The following FAM220A variants were observed in gnomAD, a reference collection of about 807,000 sequenced individuals.
FAM220A encodes the protein protein FAM220A.
For missense variants in FAM220A, 392 were observed against 321.6 expected (o/e 1.22, Z -1.68); for synonymous variants, 141 against 130.7 (o/e 1.08, Z -0.54).
chr7:6,341,202 T>C (rs1781850491), intron 1 of FAM220A, among the ~76,000 whole-genome samples: 1 of 150,962 alleles, frequency 6.6e-6, no homozygotes. Flanking sequence ...CCCAGCACTT[T>C]GGGAGGCCAA....
Position 6,348,946 on chromosome 7 carries a change from T to G in FAM220A, c.-455A>C. 2.6e-6 allele frequency: 1 copy of G among 377,724 alleles called. No individual in the cohort carries two copies. Among genetic ancestry groups the G allele is most frequent in the African/African-American group, 2.1e-5 (1 of 47,476 alleles). 23.4% of individuals were successfully genotyped at this position (377,724 alleles called of 1,614,324 possible). On this transcript the variant is annotated 5_prime_UTR_variant, in exon 1 of 2. Transcript: ENST00000313324. ...AAGTGCCTCCGCGAGCAGCCGCCTG[T>G]ACCAGCCTGGCCGCGCAGCCTGACG...
chr7:6,346,197 C>G (rs1781948952), intron 1 of FAM220A, among the ~76,000 whole-genome samples: 1 of 152,064 alleles, frequency 6.6e-6, no homozygotes, highest in Non-Finnish European at 1.5e-5. Context: ...AGGGCTCAGG[C>G]CTTCTCGTTT....
Position 6,334,849 on chromosome 7 carries a change from A to AC in FAM220A, c.-81-3615dup, listed in dbSNP as rs529709932. On this transcript the variant is annotated intron_variant, in intron 1 of 1. Transcript: ENST00000313324. ...AATGGCACGATCTCGACTCACTGCA[A>AC]CCTCCACCTCCTGGGTTCAAGTGAT... Among the ~76,000 whole-genome samples the AC allele has an allele frequency of 3.0e-3, 450 of 151,014 alleles. 4 individuals are homozygous for AC. The highest frequency in any genetic ancestry group is 0.01 in the African/African-American group (412 of 41,040).
chr7:6,330,602 GT>G lies in FAM220A; in HGVS notation c.552del (p.Glu184AspfsTer21). Reference sequence around the variant, plus strand: ...GACAGGATGGAGTGCAGGCAAGCGGGTTCCAACTCAGAGCCCAGACCCTTGG... The same window carrying G: ...GACAGGATGGAGTGCAGGCAAGCGGGTCCAACTCAGAGCCCAGACCCTTGG... ...AFPKGLGSEL[E>X]PACLHSILSA... On this transcript the variant is annotated frameshift_variant, in exon 2 of 2. Transcript: ENST00000313324. LOFTEE classifies it low-confidence loss of function (END_TRUNC). 1 of 1,614,168 alleles carries G rather than the reference GT, an allele frequency of 6.2e-7. No homozygotes were observed. Among genetic ancestry groups the G allele is most frequent in the Non-Finnish European group, 8.5e-7 (1 of 1,180,036 alleles).
rs1415606848 is a variant in FAM220A at position 6,329,576 on chromosome 7, T to C, written c.*799A>G. On this transcript the variant is annotated 3_prime_UTR_variant, in exon 2 of 2. Coordinates refer to ENST00000313324, the MANE Select transcript of FAM220A (RefSeq NM_001037163.2). Reference sequence around the variant, plus strand: ...TTCACTTTGGGAGTCTTTAAAAACTTATGTCCTTAAATGACCTTTATTAAA... The same window carrying C: ...TTCACTTTGGGAGTCTTTAAAAACTCATGTCCTTAAATGACCTTTATTAAA... 2 of 155,564 alleles carry C rather than the reference T, an allele frequency of 1.3e-5. No individual in the cohort carries two copies. Among genetic ancestry groups the C allele is most frequent in the African/African-American group, 4.8e-5 (2 of 41,458 alleles). The allele number at this position is 155,564 out of a possible 1,614,324, so 9.6% of individuals were successfully genotyped here. A position where few individuals can be genotyped will look rare whatever the true frequency, so the allele number is the denominator to read the frequency against.
chr7:6,345,221 G>A (rs919651463), intron 1 of FAM220A, among the ~76,000 whole-genome samples: 3 of 151,388 alleles, frequency 2.0e-5, no homozygotes, highest in Non-Finnish European at 4.4e-5. Flanking sequence ...TGGCTCAAGC[G>A]ATCCTCCCAC....
At position 6,342,362 on chromosome 7, in the gene FAM220A, T is replaced by C. The variant is rs569956372; in HGVS notation, c.-82+6211A>G. Among the ~76,000 whole-genome samples the C allele has an allele frequency of 1.8e-3, 272 of 151,820 alleles. 1 individual carries two copies. The highest frequency in any genetic ancestry group is 5.6e-3 in the African/African-American group (232 of 41,422). ...GAGCTGGAGACCAGCCCAGCTAACA[T>C]GGCAAAACCCCGACTCTACTAAAAA... On this transcript the variant is annotated intron_variant, in intron 1 of 1. Transcript: ENST00000313324.
At chr7:6,345,098 G>A (rs1781930643) in intron 1 of FAM220A, among the ~76,000 whole-genome samples, 1 of 150,974 alleles carries the variant, frequency 6.6e-6, no homozygotes, top group Non-Finnish European at 1.5e-5. Flanking sequence ...TCAGATTTAT[G>A]GGAGGTTATG....
chr7:6,333,172 A>C (rs1010471542), intron 1 of FAM220A, among the ~76,000 whole-genome samples: 33 of 151,984 alleles, frequency 2.2e-4, no homozygotes, highest in Non-Finnish European at 4.4e-4. Context: ...AAAAATCAAA[A>C]AAAAAAAAAC....
At position 6,346,777 on chromosome 7, in the gene FAM220A, T is replaced by C. The variant is rs1156505654; in HGVS notation, c.-82+1796A>G. Among the ~76,000 whole-genome samples the C allele has an allele frequency of 2.6e-5, 4 of 152,176 alleles. No individual in the cohort carries two copies. The South Asian group carries it at 6.2e-4, about 24-fold the overall frequency. ...CACCAGCCACCTGAAGACCTGCTACTGGGACAATCATACTTTGATATGGCC... is the reference window on the plus strand; with the variant it reads ...CACCAGCCACCTGAAGACCTGCTACCGGGACAATCATACTTTGATATGGCC... On this transcript the variant is annotated intron_variant, in intron 1 of 1. Coordinates refer to ENST00000313324, the MANE Select transcript of FAM220A (RefSeq NM_001037163.2).
At chr7:6,334,388 T>C (rs578162799) in intron 1 of FAM220A, among the ~76,000 whole-genome samples, 207 of 151,490 alleles carry the variant, frequency 1.4e-3, no homozygotes, top group African/African-American at 4.8e-3. Flanking sequence ...ATACAAAAAT[T>C]AGCTGGGCAT....
intron 1 of FAM220A, among the ~76,000 whole-genome samples, chr7:6,344,679 A>G (rs1023350161): frequency 6.6e-6 from 1 of 152,102 alleles, no homozygotes; most frequent in Admixed American, 6.6e-5. Context: ...TTGGACTCCC[A>G]AAGTGCTGGG....
intron 1 of FAM220A, among the ~76,000 whole-genome samples, chr7:6,348,093 A>G (rs963409674): frequency 6.6e-6 from 1 of 150,990 alleles, no homozygotes; most frequent in African/African-American, 2.4e-5. Flanking sequence ...TATTTTTAGT[A>G]GAGACGGGGT....
intron 1 of FAM220A, among the ~76,000 whole-genome samples, chr7:6,342,230 C>T (rs1225638906): frequency 6.6e-6 from 1 of 151,766 alleles, no homozygotes; most frequent in Non-Finnish European, 1.5e-5. Context: ...CTCTTTCTCT[C>T]TCTCTCTTTC....
At chr7:6,333,669 T>C (rs567146031) in intron 1 of FAM220A, among the ~76,000 whole-genome samples, 1 of 151,300 alleles carries the variant, frequency 6.6e-6, no homozygotes, top group Non-Finnish European at 1.5e-5. Context: ...TGGCAAATTT[T>C]TTTTTTTTCA....
chr7:6,344,445 C>T (rs757388825), intron 1 of FAM220A, among the ~76,000 whole-genome samples: 6 of 152,024 alleles, frequency 3.9e-5, no homozygotes, highest in Non-Finnish European at 5.9e-5. Context: ...TTTTTACAGA[C>T]GGGGTCTTGC....
At chr7:6,345,623 T>C (rs1015212087) in intron 1 of FAM220A, among the ~76,000 whole-genome samples, 3 of 152,180 alleles carry the variant, frequency 2.0e-5, no homozygotes, top group East Asian at 1.9e-4. Flanking sequence ...TTTTCTCTTA[T>C]AGCCATTCTT....
At chr7:6,333,097 C>G (rs1781669523) in intron 1 of FAM220A, among the ~76,000 whole-genome samples, 1 of 150,496 alleles carries the variant, frequency 6.6e-6, no homozygotes, top group Non-Finnish European at 1.5e-5. Context: ...GCAGAGGTTG[C>G]AGTGAGCCGA....
Position 6,330,095 on chromosome 7 carries a change from C to A in FAM220A, c.*280G>T. ...TGAAGACAGAACTTCATGGTAAATC[C>A]GTATGTTCTAATCTGGTATTTATAC... On this transcript the variant is annotated 3_prime_UTR_variant, in exon 2 of 2. Transcript: ENST00000313324. 1 of 383,496 alleles carries A rather than the reference C, an allele frequency of 2.6e-6. No homozygotes were observed. The allele number at this position is 383,496 out of a possible 1,614,324, so 23.8% of individuals were successfully genotyped here.
Sources: allele counts gnomAD v4.1 joint callset (sites outside exome capture counted in the v4.1 genomes callset), GRCh38; gene constraint gnomAD v4.1.1; transcripts MANE v1.5; gene names NCBI Gene and HGNC (gene_info 2026-07-23, HGNC 2026-07-21).